ERI3: variants seen among roughly 807,000 people sequenced by gnomAD.
ERI3 encodes ERI1 exoribonuclease family member 3, also known as ERI1 exoribonuclease 3.
A neutral mutation model predicts 44.4 loss-of-function variants in ERI3; 18 were observed. The ratio of observed to expected loss-of-function variants is 0.41; its 90% CI spans 0.28 to 0.60. The LOEUF is 0.60. Ranked by LOEUF, ERI3 falls within the 20% of genes least tolerant of loss-of-function variation. The probability of loss-of-function intolerance (pLI) is 0.36; values close to 1 mark genes in which losing one functional copy is unlikely to be tolerated. For missense variants in ERI3, 294 were observed against 435.5 expected, an observed-to-expected ratio of 0.68 and a Z score of 2.89; for synonymous variants, 183 against 164.8, an observed-to-expected ratio of 1.11 and a Z score of -0.84.
intron 3 of ERI3, among the ~76,000 whole-genome samples, chr1:44,320,744 C>T (rs1646184300): frequency 6.6e-6 from 1 of 151,826 alleles, no homozygotes; most frequent in African/African-American, 2.4e-5. Context: ...ATTTTTAAAA[C>T]ATGAATGGAA....
chr1:44,261,340 C>T (rs1644890089), intron 7 of ERI3, among the ~76,000 whole-genome samples: 1 of 152,268 alleles, frequency 6.6e-6, no homozygotes. Flanking sequence ...CAAGCTCACG[C>T]AGGCCGCCAG....
At chr1:44,315,304 A>G (rs1646063205) in intron 4 of ERI3, among the ~76,000 whole-genome samples, 1 of 152,204 alleles carries the variant, frequency 6.6e-6, no homozygotes, top group African/African-American at 2.4e-5. Flanking sequence ...ACAGGAAAGC[A>G]ATGCACCCTT....
chr1:44,267,448 TA>T (rs1645011451), intron 7 of ERI3, among the ~76,000 whole-genome samples: 3 of 152,108 alleles, frequency 2.0e-5, no homozygotes, highest in Non-Finnish European at 4.4e-5. Context: ...CCTCAAGCCA[TA>T]AAAATAAAAT....
intron 7 of ERI3, among the ~76,000 whole-genome samples, chr1:44,259,569 C>T (rs1053157727): frequency 3.3e-5 from 5 of 152,066 alleles, no homozygotes; most frequent in African/African-American, 1.2e-4. Context: ...CAGCCAGGCA[C>T]AGTGGCTCAT....
intron 1 of ERI3, chr1:44,353,647 T>TATTCCC: frequency 1.0e-6 from 1 of 985,428 alleles, no homozygotes; most frequent in Non-Finnish European, 1.2e-6. Context: ...AGAAAACACT[T>TATTCCC]TTTAAAATGA....
intron 7 of ERI3, among the ~76,000 whole-genome samples, chr1:44,253,653 G>A (rs1644726307): frequency 6.6e-6 from 1 of 152,166 alleles, no homozygotes; most frequent in Non-Finnish European, 1.5e-5. Flanking sequence ...AAAATGCTTA[G>A]GCAGCTTCCA....
rs185213778 is a variant in ERI3 at position 44,306,313 on chromosome 1, C to T, written c.758+1997G>A. 1.7e-4 allele frequency among the ~76,000 whole-genome samples: 26 copies of T among 152,318 alleles called. No homozygotes were observed. In the East Asian group the frequency reaches 2.9e-3, roughly 17 times the overall value. On this transcript the variant is annotated intron_variant, in intron 6 of 8. Transcript: ENST00000372257. ...TAGAATTCAATTCTGTCTAGCTACA[C>T]GTCTTTAGCTCTCTGAGCCACAGGG...
At chr1:44,233,378 A>G (rs1230521930) in intron 8 of ERI3, among the ~76,000 whole-genome samples, 2 of 151,352 alleles carry the variant, frequency 1.3e-5, no homozygotes, top group Non-Finnish European at 2.9e-5. Flanking sequence ...TCCTGTCACA[A>G]GAGAGGGCCA....
At chr1:44,224,089 T>C (rs1184397382) in intron 8 of ERI3, among the ~76,000 whole-genome samples, 1 of 152,182 alleles carries the variant, frequency 6.6e-6, no homozygotes, top group Non-Finnish European at 1.5e-5. Flanking sequence ...GCCCTCTCCC[T>C]CACTCTCCAA....
At position 44,339,221 on chromosome 1, in the gene ERI3, G is replaced by A. The variant is rs1646597933; in HGVS notation, c.313C>T (p.His105Tyr). ...LSRARKVLGS[H>Y]LFSPCGVPEF... Reference sequence around the variant, plus strand: ...GGAACACCACAGGGAGAAAATAAGTGGGAGCCCAGCACTTTTCTTGCTCTT... The same window carrying A: ...GGAACACCACAGGGAGAAAATAAGTAGGAGCCCAGCACTTTTCTTGCTCTT... The change falls in exon 3 of 9, where the codon CAC (histidine) becomes TAC (tyrosine). Residue 105 changes from histidine to tyrosine, a missense_variant. Physicochemically the swap from His to Tyr is moderately conservative, Grantham distance 83 (BLOSUM62 2). Coordinates refer to ENST00000372257, the MANE Select transcript of ERI3 (RefSeq NM_024066.3). The A allele has an allele frequency of 1.2e-6, 2 of 1,613,902 alleles. No homozygotes were observed. The highest frequency in any genetic ancestry group is 1.7e-5 in the Admixed American group (1 of 59,992).
At chr1:44,314,185 A>G (rs1278874159) in intron 4 of ERI3, among the ~76,000 whole-genome samples, 1 of 151,668 alleles carries the variant, frequency 6.6e-6, no homozygotes, top group African/African-American at 2.4e-5. Flanking sequence ...CAATTAAACT[A>G]TAATTACACT....
intron 4 of ERI3, among the ~76,000 whole-genome samples, chr1:44,315,597 G>A (rs1646071533): frequency 1.3e-5 from 2 of 152,236 alleles, no homozygotes; most frequent in Non-Finnish European, 2.9e-5. Context: ...CAGCCTGGGA[G>A]GAGCCTAGTG....
intron 6 of ERI3, among the ~76,000 whole-genome samples, chr1:44,306,356 T>C (rs1460132297): frequency 6.6e-6 from 1 of 152,230 alleles, no homozygotes; most frequent in Admixed American, 6.5e-5. Flanking sequence ...GTTTGTTTCA[T>C]CTATAAAAGA....
At chr1:44,233,472 C>T (rs1468847445) in intron 8 of ERI3, among the ~76,000 whole-genome samples, 1 of 150,570 alleles carries the variant, frequency 6.6e-6, no homozygotes, top group Non-Finnish European at 1.5e-5. Context: ...GGTACGGTCT[C>T]GGCTCACTGC....
chr1:44,270,163 AC>A (rs1645062094), intron 7 of ERI3, among the ~76,000 whole-genome samples: 1 of 152,188 alleles, frequency 6.6e-6, no homozygotes, highest in Non-Finnish European at 1.5e-5. Flanking sequence ...GAAAAAACAC[AC>A]ACACACACAA....
chr1:44,301,417 A>C (rs531717946), intron 6 of ERI3, among the ~76,000 whole-genome samples: 211 of 152,286 alleles, frequency 1.4e-3, no homozygotes, highest in African/African-American at 4.6e-3. Context: ...TGAGGCCCTG[A>C]CTACAGCCTC....
intron 6 of ERI3, among the ~76,000 whole-genome samples, chr1:44,298,420 A>C (rs1645653981): frequency 6.6e-6 from 1 of 152,206 alleles, no homozygotes; most frequent in Non-Finnish European, 1.5e-5. Context: ...GGAGATTCTC[A>C]TATTAAATTG....
chr1:44,336,867 G>A (rs1001160816), intron 3 of ERI3, among the ~76,000 whole-genome samples: 1 of 152,206 alleles, frequency 6.6e-6, no homozygotes, highest in African/African-American at 2.4e-5. Flanking sequence ...TGATTCTGGA[G>A]ATAATCTTTA....
chr1:44,284,810 C>G (rs929265406), intron 7 of ERI3, 25 bp downstream of exon 7: 2 of 1,602,094 alleles, frequency 1.2e-6, no homozygotes, highest in African/African-American at 2.7e-5. Context: ...AGGGGAAGCA[C>G]CCAGTTGGGG....
Sources: gnomAD v4.1 joint callset for allele counts (sites outside exome capture counted in the v4.1 genomes callset) on GRCh38, gnomAD v4.1.1 for gene constraint, MANE v1.5 for transcripts, NCBI Gene and HGNC (gene_info 2026-07-23, HGNC 2026-07-21) for gene names.